The following NTMT2 variants were observed in gnomAD, a reference collection of about 807,000 sequenced individuals.
The protein encoded by NTMT2 is X-Pro-Lys N-terminal protein methyltransferase 1B.
A neutral mutation model predicts 23.4 loss-of-function variants in NTMT2; 21 were observed. That is an observed-to-expected ratio of 0.90 (90% CI 0.64 to 1.29). The LOEUF (loss-of-function observed/expected upper bound fraction) is 1.29. NTMT2 is among the 50% of genes most tolerant of loss of function. The probability of loss-of-function intolerance (pLI) is 0.00; values close to 1 mark genes in which losing one functional copy is unlikely to be tolerated. For missense variants in NTMT2, 336 were observed against 352.0 expected (o/e 0.95, Z 0.36); for synonymous variants, 131 against 127.7 (o/e 1.03, Z -0.17).
chr1:170,163,938 A>G (rs963216420), intron 2 of NTMT2, among the ~76,000 whole-genome samples: 4 of 152,164 alleles, frequency 2.6e-5, no homozygotes, highest in Non-Finnish European at 5.9e-5. Flanking sequence ...GCTGGCCAAC[A>G]TGGTAAAACC....
chr1:170,160,617 G>T lies in NTMT2; in HGVS notation c.254G>T (p.Gly85Val), dbSNP rs1255432963. The T allele has an allele frequency of 2.6e-6, 4 of 1,551,686 alleles. No homozygotes were observed. The highest frequency in any genetic ancestry group is 3.5e-6 in the Non-Finnish European group (4 of 1,146,968). Residue 85 changes from glycine to valine, a missense_variant, in exon 2 of 4, where the codon GGT becomes GTT. Coordinates refer to ENST00000439373, the MANE Select transcript of NTMT2 (RefSeq NM_001136107.2). ...FYQEVPATEE[G>V]MMGNFIELSS... is the part of the protein sequence containing the mutation. ...CAAGAAGTACCAGCCACAGAAGAGG[G>T]TATGATGGGAAATTTCATTGAACTG...
In NTMT2 at chr1:170,168,299, G is replaced by A. The variant is rs1457435709; in HGVS notation, c.*542G>A. Among the ~76,000 whole-genome samples, 3 of 149,644 alleles carry A rather than the reference G, an allele frequency of 2.0e-5. No individual in the cohort carries two copies. In the East Asian group the frequency reaches 5.9e-4, roughly 29 times the overall value. ...CATATTCCAAACTGTCTTGTTCCCT[G>A]ATAATTAGTATTATAGAGTATTCTG... On this transcript the variant is annotated 3_prime_UTR_variant, in exon 4 of 4. Transcript: ENST00000439373.
chr1:170,159,890 A>G (rs1401472002), intron 1 of NTMT2, among the ~76,000 whole-genome samples: 1 of 152,258 alleles, frequency 6.6e-6, no homozygotes, highest in Non-Finnish European at 1.5e-5. Context: ...ATGAAATGAC[A>G]AAGTATATGT....
At chr1:170,167,344 C>G (rs1460067883) in intron 3 of NTMT2, 142 bp from the exon 4 acceptor site, 1 of 749,734 alleles carries the variant, frequency 1.3e-6, no homozygotes, top group Non-Finnish European at 2.1e-6. Context: ...ATTTTCAAAG[C>G]CTCCTGTAAC....
Position 170,167,741 on chromosome 1 carries a change from G to A in NTMT2, c.836G>A (p.Ser279Asn). 6.5e-7 allele frequency: 1 copy of A among 1,550,002 alleles called. No homozygotes were observed. Among genetic ancestry groups the A allele is most frequent in the Non-Finnish European group, 8.7e-7 (1 of 1,145,990 alleles). Residue 279 changes from serine to asparagine, a missense_variant, in exon 4 of 4, where the codon AGC (serine) becomes AAC (asparagine). By Grantham distance (46) the Ser-to-Asn change is conservative. Transcript: ENST00000439373. ...CIPVWMFALH[S>N]DRHS ...CCCGTGTGGATGTTCGCACTGCACA[G>A]CGACAGACACTCCTGAAAAAGCAGT...
At chr1:170,146,584 T>G (rs1672968989) in intron 1 of NTMT2, among the ~76,000 whole-genome samples, 1 of 152,184 alleles carries the variant, frequency 6.6e-6, no homozygotes, top group Non-Finnish European at 1.5e-5. Context: ...AAATTGTAAT[T>G]GGGCAAATTT....
Position 170,166,486 on chromosome 1 carries a change from A to G in NTMT2, c.331-16A>G. ...ATGGGTCTCTGTACTTGAAATATCA[A>G]GGTGCCTTTCTGCAGGGGCCTGGGA... On this transcript the variant is annotated splice_polypyrimidine_tract_variant and intron_variant, in intron 2 of 3. Transcript: ENST00000439373. 1 of 1,552,092 alleles carries G rather than the reference A, an allele frequency of 6.4e-7. No individual in the cohort carries two copies. The highest frequency in any genetic ancestry group is 8.7e-7 in the Non-Finnish European group (1 of 1,147,048).
At chr1:170,161,742 C>T in intron 2 of NTMT2, 1 of 152,162 alleles carries the variant, frequency 6.6e-6, no homozygotes, top group Non-Finnish European at 1.5e-5. Flanking sequence ...AACAGGCTTT[C>T]ATATAATGTA....
chr1:170,151,193 C>A (rs1226199996), intron 1 of NTMT2, among the ~76,000 whole-genome samples: 3 of 151,960 alleles, frequency 2.0e-5, no homozygotes, highest in Non-Finnish European at 4.4e-5. Context: ...GTTACCAAGT[C>A]TCTCTGATTC....
At chr1:170,159,454 T>C (rs1009462679) in intron 1 of NTMT2, among the ~76,000 whole-genome samples, 4 of 141,910 alleles carry the variant, frequency 2.8e-5, no homozygotes, top group African/African-American at 7.8e-5. Flanking sequence ...TTGGTTTCCA[T>C]TCTCATTCGT....
chr1:170,157,182 G>A (rs1218159554), intron 1 of NTMT2, among the ~76,000 whole-genome samples: 1 of 152,154 alleles, frequency 6.6e-6, no homozygotes, highest in Admixed American at 6.5e-5. Context: ...CCAAGTGCTA[G>A]GGAAGGGAGA....
At chr1:170,166,272 T>C (rs1673383352) in intron 2 of NTMT2, among the ~76,000 whole-genome samples, 1 of 148,214 alleles carries the variant, frequency 6.7e-6, no homozygotes, top group African/African-American at 2.5e-5. Flanking sequence ...CCCGAGTAGC[T>C]GGGACTACAG....
At chr1:170,157,654 T>A (rs1204148091) in intron 1 of NTMT2, among the ~76,000 whole-genome samples, 1 of 152,178 alleles carries the variant, frequency 6.6e-6, no homozygotes, top group East Asian at 1.9e-4. Flanking sequence ...CTTGGGGTTA[T>A]CTGAAGAAAA....
intron 2 of NTMT2, among the ~76,000 whole-genome samples, chr1:170,166,064 T>C (rs942447198): frequency 6.6e-6 from 1 of 151,586 alleles, no homozygotes; most frequent in Non-Finnish European, 1.5e-5. Flanking sequence ...TACATTTCAT[T>C]TCATAAAATT....
chr1:170,161,098 T>C (rs1673265673), intron 2 of NTMT2, among the ~76,000 whole-genome samples: 1 of 152,116 alleles, frequency 6.6e-6, no homozygotes, highest in Non-Finnish European at 1.5e-5. Context: ...AAAAATGAGA[T>C]GTTGGCCTGG....
intron 1 of NTMT2, among the ~76,000 whole-genome samples, chr1:170,153,211 A>T (rs1340974044): frequency 1.3e-5 from 2 of 152,252 alleles, no homozygotes; most frequent in African/African-American, 4.8e-5. Context: ...TAAATTAAGC[A>T]GTCTCAGGTA....
At chr1:170,147,040 G>A (rs1332737816) in intron 1 of NTMT2, among the ~76,000 whole-genome samples, 1 of 152,186 alleles carries the variant, frequency 6.6e-6, no homozygotes, top group Non-Finnish European at 1.5e-5. Context: ...AAAGCAAGAA[G>A]GCTGTGTATC....
rs1174197930 is a variant in NTMT2 at position 170,146,017 on chromosome 1, C to T, written c.-91C>T. 1 of 1,254,892 alleles carries T rather than the reference C, an allele frequency of 8.0e-7. No individual in the cohort carries two copies. Among genetic ancestry groups the T allele is most frequent in the Non-Finnish European group, 1.1e-6 (1 of 913,438 alleles). The allele number at this position is 1,254,892 out of a possible 1,614,324, so 77.7% of individuals were successfully genotyped here. A position where few individuals can be genotyped will look rare whatever the true frequency, so the allele number is the denominator to read the frequency against. On this transcript the variant is annotated 5_prime_UTR_variant, in exon 1 of 4. Transcript: ENST00000439373. ...GAGGGGACTGGTTTAAAATGACAGT[C>T]TCAAGTTCATTTAGAAAGAGAAGGC...
intron 2 of NTMT2, among the ~76,000 whole-genome samples, chr1:170,161,072 A>C (rs1362227153): frequency 1.3e-5 from 2 of 152,168 alleles, no homozygotes; most frequent in African/African-American, 4.8e-5. Context: ...GGGTTGACTT[A>C]TTGATTCCCT....
Sources: gnomAD v4.1 joint callset for allele counts (sites outside exome capture counted in the v4.1 genomes callset) on GRCh38, gnomAD v4.1.1 for gene constraint, MANE v1.5 for transcripts, NCBI Gene and HGNC (gene_info 2026-07-23, HGNC 2026-07-21) for gene names.